EXOC4: variants seen among roughly 807,000 people sequenced by gnomAD.
EXOC4 encodes SEC8-like 1.
In EXOC4, 71 loss-of-function variants were observed where a neutral mutation model predicts 107.2. The ratio of observed to expected loss-of-function variants is 0.66; its 90% CI spans 0.55 to 0.81. The LOEUF (loss-of-function observed/expected upper bound fraction) is 0.81. EXOC4 is among the 30% of genes least tolerant of loss of function. The probability of loss-of-function intolerance (pLI) is 0.00; values close to 1 mark genes in which losing one functional copy is unlikely to be tolerated. For missense variants in EXOC4, 1,108 were observed against 1,189.6 expected (o/e 0.93, Z 1.01); for synonymous variants, 456 against 441.2 (o/e 1.03, Z -0.42).
At chr7:133,954,559 G>T (rs545523440) in intron 14 of EXOC4, among the ~76,000 whole-genome samples, 2 of 152,034 alleles carry the variant, frequency 1.3e-5, no homozygotes, top group Non-Finnish European at 2.9e-5. Flanking sequence ...AATATTTTTC[G>T]CTGTTGGAAT....
At chr7:134,066,995 A>G (rs1796186008), downstream of EXOC4, among the ~76,000 whole-genome samples, 1 of 151,932 alleles carries the variant, frequency 6.6e-6, no homozygotes, top group African/African-American at 2.4e-5. Flanking sequence ...TACTAAAAAT[A>G]CAAAAATTAG....
chr7:134,047,378 A>T (rs1042347374), intron 17 of EXOC4, among the ~76,000 whole-genome samples: 1 of 152,064 alleles, frequency 6.6e-6, no homozygotes, highest in Non-Finnish European at 1.5e-5. Context: ...CCTCAGTATT[A>T]GTCTTTTTGT....
At chr7:133,314,702 A>G (rs1272167792) in intron 4 of EXOC4, among the ~76,000 whole-genome samples, 1 of 152,222 alleles carries the variant, frequency 6.6e-6, no homozygotes, top group African/African-American at 2.4e-5. Context: ...GTGTGCACAC[A>G]CATAGTAACA....
chr7:133,720,180 T>C (rs558399035), intron 10 of EXOC4, among the ~76,000 whole-genome samples: 1 of 152,172 alleles, frequency 6.6e-6, no homozygotes, highest in East Asian at 1.9e-4. Flanking sequence ...TCTGGGAGAG[T>C]ATATCACCAA....
intron 1 of EXOC4, among the ~76,000 whole-genome samples, chr7:133,263,374 CTTTTTTTT>C (rs920302686): frequency 8.6e-4 from 72 of 83,982 alleles, no homozygotes; most frequent in African/African-American, 1.4e-3. Context: ...AAAAAGCATT[CTTTTTTTT>C]TTTTTTTTTT....
Position 133,960,543 on chromosome 7 carries a change from A to G in EXOC4, c.2206+22474A>G, listed in dbSNP as rs146166612. Reference sequence around the variant, plus strand: ...TCTCACTGCTTGTTATTTAACATACACAAGTCAATAAATGTGATACACCAC... The same window carrying G: ...TCTCACTGCTTGTTATTTAACATACGCAAGTCAATAAATGTGATACACCAC... On this transcript the variant is annotated intron_variant, in intron 14 of 17. Transcript: ENST00000253861. 3.5e-4 allele frequency among the ~76,000 whole-genome samples: 53 copies of G among 152,304 alleles called. 1 individual carries two copies. The East Asian group carries it at 9.8e-3, about 28-fold the overall frequency.
intron 7 of EXOC4, among the ~76,000 whole-genome samples, chr7:133,384,499 G>A (rs895456681): frequency 2.0e-5 from 3 of 152,114 alleles, no homozygotes; most frequent in Non-Finnish European, 2.9e-5. Context: ...AAGATTTGGT[G>A]CACCTGGGCC....
intron 13 of EXOC4, among the ~76,000 whole-genome samples, chr7:133,930,126 T>C (rs1177162557): frequency 6.6e-6 from 1 of 152,196 alleles, no homozygotes; most frequent in Admixed American, 6.5e-5. Context: ...AAGTGATTAT[T>C]GGTTATTTTA....
In EXOC4 at chr7:133,448,228, C is replaced by G. The variant is rs577632399; in HGVS notation, c.1183-27100C>G. On this transcript the variant is annotated intron_variant, in intron 7 of 17. Coordinates refer to ENST00000253861, the MANE Select transcript of EXOC4 (RefSeq NM_021807.4). ...TCTAGTTAGATAACTAATACTGGAGCTGGGAAACCCCACCAGTCCTATATA... is the reference window on the plus strand; with the variant it reads ...TCTAGTTAGATAACTAATACTGGAGGTGGGAAACCCCACCAGTCCTATATA... Among the ~76,000 whole-genome samples, 5 of 152,260 alleles carry G rather than the reference C, an allele frequency of 3.3e-5. No individual in the cohort carries two copies. The South Asian group carries it at 1.0e-3, about 32-fold the overall frequency.
rs1049136423 is a variant in EXOC4 at position 134,032,054 on chromosome 7, T to C, written c.2687+24219T>C. 3.3e-5 allele frequency among the ~76,000 whole-genome samples: 5 copies of C among 152,258 alleles called. No individual in the cohort carries two copies. In the South Asian group the frequency reaches 1.0e-3, roughly 32 times the overall value. ...CTAGCCTTTCTAGAAACAAATTAAT[T>C]TCTTGAAAGCTGAAATTAGCAATCA... On this transcript the variant is annotated intron_variant, in intron 17 of 17. Coordinates refer to ENST00000253861, the MANE Select transcript of EXOC4 (RefSeq NM_021807.4).
chr7:133,321,497 C>G (rs1795111509), intron 5 of EXOC4, among the ~76,000 whole-genome samples: 1 of 152,172 alleles, frequency 6.6e-6, no homozygotes, highest in Non-Finnish European at 1.5e-5. Context: ...TCAACTCCCA[C>G]TTATGAGTGA....
intron 8 of EXOC4, among the ~76,000 whole-genome samples, chr7:133,476,620 A>G (rs1425748674): frequency 6.6e-6 from 1 of 152,180 alleles, no homozygotes; most frequent in Non-Finnish European, 1.5e-5. Context: ...GAGGAGATTT[A>G]TTTAGTATAT....
intron 10 of EXOC4, among the ~76,000 whole-genome samples, chr7:133,793,274 A>G (rs1303636653): frequency 6.6e-6 from 1 of 152,126 alleles, no homozygotes; most frequent in Non-Finnish European, 1.5e-5. Flanking sequence ...AATCTTGACT[A>G]TATTAATACG....
At chr7:133,588,976 G>GTA (rs1801477770) in intron 9 of EXOC4, among the ~76,000 whole-genome samples, 2 of 151,944 alleles carry the variant, frequency 1.3e-5, no homozygotes, top group African/African-American at 4.8e-5. Flanking sequence ...GTGTGTGTGT[G>GTA]TATGTGTATA....
intron 5 of EXOC4, among the ~76,000 whole-genome samples, chr7:133,355,893 G>A (rs1449528397): frequency 6.6e-6 from 1 of 152,060 alleles, no homozygotes; most frequent in East Asian, 1.9e-4. Context: ...TTCCCCCTGT[G>A]TGTATTCATG....
chr7:133,479,872 C>G (rs371810304), intron 8 of EXOC4, among the ~76,000 whole-genome samples, 178 bp from the exon 9 acceptor site: 1 of 152,224 alleles, frequency 6.6e-6, no homozygotes, highest in African/African-American at 2.4e-5. Context: ...GAATATCGCT[C>G]ATAAATCAAG....
At chr7:133,735,371 A>G (rs922554870) in intron 10 of EXOC4, among the ~76,000 whole-genome samples, 1 of 151,384 alleles carries the variant, frequency 6.6e-6, no homozygotes, top group Non-Finnish European at 1.5e-5. Context: ...TAATCTTAGC[A>G]TATTGTTTAT....
intron 11 of EXOC4, among the ~76,000 whole-genome samples, chr7:133,839,995 A>G (rs1231369357): frequency 6.6e-6 from 1 of 152,350 alleles, no homozygotes; most frequent in East Asian, 1.9e-4. Context: ...CTACACATGT[A>G]TATGACACAT....
chr7:133,365,572 C>T (rs1796232683), intron 6 of EXOC4, among the ~76,000 whole-genome samples: 1 of 152,132 alleles, frequency 6.6e-6, no homozygotes, highest in South Asian at 2.1e-4. Context: ...GTGTTTCATT[C>T]TATATTACTA....
Sources: allele counts gnomAD v4.1 joint callset (sites outside exome capture counted in the v4.1 genomes callset), GRCh38; gene constraint gnomAD v4.1.1; transcripts MANE v1.5; gene names NCBI Gene and HGNC (gene_info 2026-07-23, HGNC 2026-07-21).